The following SLC22A25 variants were observed in gnomAD, a reference collection of about 807,000 sequenced individuals.
The protein encoded by SLC22A25 is MGI:2442751, MGI:2385316, MGI:3042283, MGI:3645714, MGI:3605624, MGI:2442750.
A neutral mutation model predicts 45.9 loss-of-function variants in SLC22A25; 44 were observed. That is an observed-to-expected ratio of 0.96 (90% CI 0.75 to 1.23). The LOEUF (loss-of-function observed/expected upper bound fraction) is 1.23. Among genes scored for constraint, SLC22A25 ranks in the 50% most tolerant of loss-of-function variants. The pLI is 0.00. For missense variants in SLC22A25, 800 were observed against 666.4 expected, an observed-to-expected ratio of 1.20 and a Z score of -2.21; for synonymous variants, 283 against 238.6, an observed-to-expected ratio of 1.19 and a Z score of -1.72.
At chr11:63,196,486 C>G (rs2089036314) in intron 7 of SLC22A25, among the ~76,000 whole-genome samples, 1 of 152,220 alleles carries the variant, frequency 6.6e-6, no homozygotes, top group Non-Finnish European at 1.5e-5. Context: ...AGCATATAAA[C>G]AGAACTAACG....
At chr11:63,218,358 G>A (rs933794596) in intron 5 of SLC22A25, 4 of 228,492 alleles carry the variant, frequency 1.8e-5, no homozygotes, top group Non-Finnish European at 3.5e-5. Flanking sequence ...GAGTTGGCAG[G>A]GAGGGAGGGG....
intron 7 of SLC22A25, among the ~76,000 whole-genome samples, chr11:63,203,783 A>G (rs1234195796): frequency 6.6e-6 from 1 of 152,180 alleles, no homozygotes; most frequent in Non-Finnish European, 1.5e-5. Context: ...ACAGGCCAAC[A>G]TTCAAATTCA....
intron 7 of SLC22A25, among the ~76,000 whole-genome samples, chr11:63,207,043 T>C (rs1343030038): frequency 1.3e-5 from 2 of 152,180 alleles, no homozygotes; most frequent in Non-Finnish European, 2.9e-5. Flanking sequence ...GGATTCCCTA[T>C]TTAATAAATG....
At chr11:63,201,944 C>A (rs145939882) in intron 7 of SLC22A25, among the ~76,000 whole-genome samples, 1 of 152,082 alleles carries the variant, frequency 6.6e-6, no homozygotes, top group African/African-American at 2.4e-5. Context: ...ACTGAGGTAC[C>A]TGGCTCATCT....
chr11:63,216,435 C>T (rs987658087), intron 7 of SLC22A25, among the ~76,000 whole-genome samples: 14 of 152,164 alleles, frequency 9.2e-5, no homozygotes, highest in African/African-American at 2.9e-4. Flanking sequence ...ATGTTCATGG[C>T]AGCACTATTC....
At chr11:63,209,612 G>C (rs1352145700) in intron 7 of SLC22A25, among the ~76,000 whole-genome samples, 2 of 152,140 alleles carry the variant, frequency 1.3e-5, no homozygotes, top group African/African-American at 4.8e-5. Context: ...CACTTTGAGA[G>C]ACCAGGATAC....
rs142427382 is a variant in SLC22A25, at chr11:63,229,351, A to G, written c.302T>C (p.Leu101Pro). 53 of 1,613,986 alleles carry G rather than the reference A, an allele frequency of 3.3e-5. No homozygotes were observed. The African/African-American group carries it at 6.4e-4, about 19-fold the overall frequency. The change falls in exon 4 of 12, where the codon CTG (leucine) becomes CCG (proline). Residue 101 changes from leucine to proline, a missense_variant. Transcript: ENST00000306494. ...ACTCGTGTTGGGGAAGGTCCCATTCAGATGAATGAGCTTCCACTGGGGATG... is the reference window on the plus strand; with the variant it reads ...ACTCGTGTTGGGGAAGGTCCCATTCGGATGAATGAGCTTCCACTGGGGATG... ...FVHPQWKLIH[L>P]NGTFPNTSEP...
At chr11:63,171,461 C>G (rs2087882679) in intron 9 of SLC22A25, among the ~76,000 whole-genome samples, 2 of 152,196 alleles carry the variant, frequency 1.3e-5, no homozygotes. Flanking sequence ...TCAGCAAAGT[C>G]TCAGAATACA....
chr11:63,208,178 C>A (rs1413260585), intron 7 of SLC22A25: 1 of 152,336 alleles, frequency 6.6e-6, no homozygotes, highest in Non-Finnish European at 1.5e-5. Context: ...CATGAGGGAG[C>A]TTCACCTGGA....
intron 7 of SLC22A25, among the ~76,000 whole-genome samples, chr11:63,184,232 C>A (rs1006294252): frequency 2.6e-5 from 4 of 152,098 alleles, no homozygotes; most frequent in Non-Finnish European, 4.4e-5. Context: ...AGACTAGATT[C>A]ATTTCTGGCC....
intron 9 of SLC22A25, chr11:63,167,189 G>A (rs1364012838): frequency 8.5e-6 from 1 of 117,104 alleles, no homozygotes; most frequent in African/African-American, 2.7e-5. Context: ...AGATTCCCTT[G>A]TGTGCCAATG....
At chr11:63,235,088 GT>G (rs1565129246) in intron 3 of SLC22A25, among the ~76,000 whole-genome samples, 1 of 151,346 alleles carries the variant, frequency 6.6e-6, no homozygotes, top group Non-Finnish European at 1.5e-5. Flanking sequence ...TCATTTCTTC[GT>G]TTCAACTTTG....
chr11:63,243,543 C>G lies in SLC22A25; in HGVS notation c.-1105G>C. On this transcript the variant is annotated 5_prime_UTR_variant, in exon 1 of 12. Coordinates refer to ENST00000306494, the MANE Select transcript of SLC22A25 (RefSeq NM_199352.6). ...CTCAAAGAGTCCAGCCCACTGACTG[C>G]CAAAAAGCTGTGCATTTATACCGAC... 1.3e-6 allele frequency: 1 copy of G among 762,744 alleles called. No homozygotes were observed. The highest frequency in any genetic ancestry group is 2.4e-6 in the Non-Finnish European group (1 of 408,496). 47.2% of individuals were successfully genotyped at this position (762,744 alleles called of 1,614,324 possible). A position where few individuals can be genotyped will look rare whatever the true frequency, so the allele number is the denominator to read the frequency against.
At chr11:63,169,876 A>G (rs1172493857) in intron 9 of SLC22A25, among the ~76,000 whole-genome samples, 2 of 152,216 alleles carry the variant, frequency 1.3e-5, no homozygotes, top group African/African-American at 2.4e-5. Flanking sequence ...TCTCAGCACC[A>G]CATCGCACTT....
intron 9 of SLC22A25, among the ~76,000 whole-genome samples, chr11:63,169,729 A>T (rs887837792): frequency 6.6e-6 from 1 of 152,198 alleles, no homozygotes; most frequent in Non-Finnish European, 1.5e-5. Flanking sequence ...AGACTTTAAC[A>T]TCCCACTGTC....
At chr11:63,196,927 G>A (rs1284194834) in intron 7 of SLC22A25, among the ~76,000 whole-genome samples, 5 of 152,120 alleles carry the variant, frequency 3.3e-5, no homozygotes, top group Admixed American at 1.3e-4. Flanking sequence ...CAAAATCAAT[G>A]TGCAAAAATC....
At chr11:63,219,990 T>C (rs1347134607) in intron 5 of SLC22A25, 1 of 1,289,236 alleles carries the variant, frequency 7.8e-7, no homozygotes, top group Non-Finnish European at 1.0e-6. Context: ...TCACAATCAG[T>C]GGAGACATGG....
At chr11:63,193,007 T>G (rs1441006343) in intron 7 of SLC22A25, among the ~76,000 whole-genome samples, 1 of 152,188 alleles carries the variant, frequency 6.6e-6, no homozygotes, top group Non-Finnish European at 1.5e-5. Flanking sequence ...TGAAGAACTC[T>G]CCACCCAAAC....
intron 7 of SLC22A25, among the ~76,000 whole-genome samples, chr11:63,191,268 C>T (rs371605934): frequency 1.3e-5 from 2 of 152,314 alleles, no homozygotes; most frequent in South Asian, 2.1e-4. Context: ...CCCCCAGCCT[C>T]GCTGCCACCT....
Sources: allele counts gnomAD v4.1 joint callset (sites outside exome capture counted in the v4.1 genomes callset), GRCh38; gene constraint gnomAD v4.1.1; transcripts MANE v1.5; gene names NCBI Gene and HGNC (gene_info 2026-07-23, HGNC 2026-07-21).